Variants in PDE3A observed in about 807,000 individuals in gnomAD.
PDE3A encodes the protein phosphodiesterase 3A.
PDE3A carries 43 observed loss-of-function variants against 98.3 expected under a neutral mutation model. That is an observed-to-expected ratio of 0.44 (90% CI 0.34 to 0.56). The LOEUF (loss-of-function observed/expected upper bound fraction) is 0.56, where lower values mean the gene tolerates loss of function less well. Among genes scored for constraint, PDE3A ranks in the 20% least tolerant of loss-of-function variants. The pLI is 0.01. For synonymous variants in PDE3A, 663 were observed against 567.9 expected (o/e 1.17, Z -2.38); for missense variants, 1,427 against 1,440.7 (o/e 0.99, Z 0.15).
intron 2 of PDE3A, among the ~76,000 whole-genome samples, chr12:20,604,451 A>G (rs75052602): frequency 6.6e-6 from 1 of 152,086 alleles, no homozygotes; most frequent in Non-Finnish European, 1.5e-5. Context: ...CAACCTTACA[A>G]ATTATATATA....
chr12:20,493,046 A>G (rs1175684681), intron 1 of PDE3A, among the ~76,000 whole-genome samples: 2 of 152,242 alleles, frequency 1.3e-5, no homozygotes, highest in Non-Finnish European at 2.9e-5. Context: ...ATATAGGGTT[A>G]TTATGAGAGT....
chr12:20,425,808 A>T (rs1944593571), intron 1 of PDE3A, among the ~76,000 whole-genome samples: 1 of 152,184 alleles, frequency 6.6e-6, no homozygotes, highest in African/African-American at 2.4e-5. Flanking sequence ...GAAGCGGCAG[A>T]ATATGATGAT....
rs530364747 is a variant in PDE3A at position 20,605,949 on chromosome 12, A to G, written c.1012-7494A>G. Among the ~76,000 whole-genome samples the G allele has an allele frequency of 2.0e-4, 30 of 152,296 alleles. No homozygotes were observed. In the South Asian group the frequency reaches 5.2e-3, roughly 26 times the overall value. ...TATTACATTTTCTGCCTGTCAGCCT[A>G]TTTAATTAAGTTATCAATTTAATCT... On this transcript the variant is annotated intron_variant, in intron 2 of 15. Coordinates refer to ENST00000359062, the MANE Select transcript of PDE3A (RefSeq NM_000921.5).
Position 20,369,200 on chromosome 12 carries a change from T to G in PDE3A, c.-85T>G. On this transcript the variant is annotated 5_prime_UTR_variant, in exon 1 of 16. Coordinates refer to ENST00000359062, the MANE Select transcript of PDE3A (RefSeq NM_000921.5). ...GGAAGAGCGTGCGTGCGTGTGTGTG[T>G]GTGTGTGTGTGCGCGCGCGCGCGTG... 1 of 832,574 alleles carries G rather than the reference T, an allele frequency of 1.2e-6. No individual in the cohort carries two copies. The highest frequency in any genetic ancestry group is 1.8e-6 in the Non-Finnish European group (1 of 544,160). 51.6% of individuals were successfully genotyped at this position (832,574 alleles called of 1,614,324 possible).
chr12:20,666,960 T>C (rs546592570), intron 15 of PDE3A, among the ~76,000 whole-genome samples: 3 of 152,280 alleles, frequency 2.0e-5, no homozygotes, highest in East Asian at 3.9e-4. Context: ...TTTTTAGTAA[T>C]AGCCATTCTA....
intron 1 of PDE3A, among the ~76,000 whole-genome samples, chr12:20,397,610 T>C (rs1944041699): frequency 6.6e-6 from 1 of 152,042 alleles, no homozygotes; most frequent in African/African-American, 2.4e-5. Flanking sequence ...AAAATCATAA[T>C]TGGGTTCAAA....
chr12:20,536,347 TG>T, intron 1 of PDE3A, among the ~76,000 whole-genome samples: 1 of 152,002 alleles, frequency 6.6e-6, no homozygotes, highest in African/African-American at 2.4e-5. Flanking sequence ...GTGAGGTGTG[TG>T]TGTGTGTGTG....
intron 5 of PDE3A, among the ~76,000 whole-genome samples, chr12:20,629,170 C>A (rs555166286): frequency 6.6e-6 from 1 of 152,236 alleles, no homozygotes; most frequent in South Asian, 2.1e-4. Flanking sequence ...TCCTGGTCTT[C>A]CAACAGCCAC....
At chr12:20,563,861 C>G (rs1049885505) in intron 2 of PDE3A, among the ~76,000 whole-genome samples, 1 of 152,060 alleles carries the variant, frequency 6.6e-6, no homozygotes, top group African/African-American at 2.4e-5. Context: ...AAATTTTATC[C>G]TTTAGTCAGT....
chr12:20,400,006 AG>A (rs1175012255), intron 1 of PDE3A, among the ~76,000 whole-genome samples: 1 of 152,220 alleles, frequency 6.6e-6, no homozygotes, highest in Non-Finnish European at 1.5e-5. Flanking sequence ...AAGCTTTGTA[AG>A]AATCCTCTGC....
chr12:20,464,294 G>A (rs984785120), intron 1 of PDE3A, among the ~76,000 whole-genome samples: 1 of 152,094 alleles, frequency 6.6e-6, no homozygotes, highest in African/African-American at 2.4e-5. Flanking sequence ...TATTTCAATA[G>A]ATCCACAAAT....
At chr12:20,393,728 A>G (rs994148905) in intron 1 of PDE3A, among the ~76,000 whole-genome samples, 4 of 152,080 alleles carry the variant, frequency 2.6e-5, no homozygotes, top group Admixed American at 2.0e-4. Context: ...TTTTGGAAAT[A>G]ATATTAACAT....
At chr12:20,372,896 T>C (rs1943503151) in intron 1 of PDE3A, among the ~76,000 whole-genome samples, 1 of 152,148 alleles carries the variant, frequency 6.6e-6, no homozygotes, top group South Asian at 2.1e-4. Flanking sequence ...AATTTCATCA[T>C]TTTCTTCTCT....
chr12:20,650,731 G>C (rs1001447166), intron 14 of PDE3A, 131 bp downstream of exon 14: 9 of 477,978 alleles, frequency 1.9e-5, no homozygotes, highest in Non-Finnish European at 2.9e-5. Flanking sequence ...AAATGCACTG[G>C]TCAATTTTGA....
At chr12:20,410,850 T>C (rs1344853096) in intron 1 of PDE3A, among the ~76,000 whole-genome samples, 2 of 152,168 alleles carry the variant, frequency 1.3e-5, no homozygotes, top group African/African-American at 4.8e-5. Context: ...CCTCTTCCCC[T>C]GAAATGGTGG....
intron 1 of PDE3A, chr12:20,449,529 G>C (rs946109613): frequency 4.3e-6 from 1 of 231,656 alleles, no homozygotes; most frequent in African/African-American, 2.3e-5. Flanking sequence ...CTGCCAAAGT[G>C]GTAGGCGGTG....
chr12:20,636,975 A>G (rs760597901), intron 8 of PDE3A, 125 bp from the exon 9 acceptor site: 132 of 590,522 alleles, frequency 2.2e-4, no homozygotes, highest in Middle Eastern at 4.3e-4. Flanking sequence ...AAGATCACTT[A>G]TTCACCTTGG....
At chr12:20,385,624 T>C (rs1425852162) in intron 1 of PDE3A, among the ~76,000 whole-genome samples, 1 of 151,516 alleles carries the variant, frequency 6.6e-6, no homozygotes, top group South Asian at 2.1e-4. Flanking sequence ...AAATGATGAG[T>C]TCATATCCTT....
chr12:20,646,796 C>A lies in PDE3A; in HGVS notation c.2411C>A (p.Ser804Ter). 1 of 1,611,330 alleles carries A rather than the reference C, an allele frequency of 6.2e-7. No individual in the cohort carries two copies. The highest frequency in any genetic ancestry group is 1.1e-5 in the South Asian group (1 of 91,004). ...FTHGHMGYVF[S>*]KTYNVTDDKY... ...CATGGACATATGGGATATGTATTCT[C>A]AAAAACGTATAATGTGACAGATGAT... Residue 804 changes from serine to a stop codon, truncating the protein, a stop_gained, in exon 12 of 16, where the codon TCA becomes TAA. Transcript: ENST00000359062. LOFTEE classifies it high-confidence loss of function.
Sources: allele counts gnomAD v4.1 joint callset (sites outside exome capture counted in the v4.1 genomes callset), GRCh38; gene constraint gnomAD v4.1.1; transcripts MANE v1.5; gene names NCBI Gene and HGNC (gene_info 2026-07-23, HGNC 2026-07-21).